ARK2C: variants seen among roughly 807,000 people sequenced by gnomAD.
ARK2C encodes the protein E3 ubiquitin-protein ligase ARK2C.
At chr18:46,455,771 G>T in the ARK2C span, among the ~76,000 whole-genome samples, 52 of 152,324 alleles carry the variant, frequency 3.4e-4, no homozygotes, top group Admixed American at 1.6e-3. Flanking sequence ...GGAGGTGGAA[G>T]TTGCAGTGAG....
chr18:46,453,403 C>G, the ARK2C span, among the ~76,000 whole-genome samples: 1 of 152,148 alleles, frequency 6.6e-6, no homozygotes, highest in African/African-American at 2.4e-5. Context: ...GCCTCACCTG[C>G]TGTCACTTCA....
chr18:46,440,764 T>A, the ARK2C span, among the ~76,000 whole-genome samples: 2 of 152,218 alleles, frequency 1.3e-5, no homozygotes, highest in African/African-American at 4.8e-5. Context: ...ATATGTCACA[T>A]AAGTCTCATT....
At chr18:46,412,350 C>T in the ARK2C span, among the ~76,000 whole-genome samples, 3 of 152,360 alleles carry the variant, frequency 2.0e-5, no homozygotes, top group South Asian at 2.1e-4. Context: ...TGCCTGGCAG[C>T]CCCAGAGGGT....
At chr18:46,394,510 C>T in the ARK2C span, among the ~76,000 whole-genome samples, 1 of 152,156 alleles carries the variant, frequency 6.6e-6, no homozygotes, top group East Asian at 1.9e-4. Flanking sequence ...CTCCACCTTC[C>T]CCCCAGCCAG....
At chr18:46,355,427 C>G in the ARK2C span, among the ~76,000 whole-genome samples, 2 of 152,132 alleles carry the variant, frequency 1.3e-5, no homozygotes, top group African/African-American at 2.4e-5. Flanking sequence ...GCCTCATTCT[C>G]TAGGCTCTGG....
the ARK2C span, among the ~76,000 whole-genome samples, chr18:46,368,132 C>A: frequency 3.9e-5 from 6 of 152,166 alleles, no homozygotes; most frequent in African/African-American, 1.4e-4. Flanking sequence ...TGCTCTAGAC[C>A]TTATCTGCTT....
the ARK2C span, among the ~76,000 whole-genome samples, chr18:46,363,323 A>G: frequency 6.6e-6 from 1 of 152,180 alleles, no homozygotes; most frequent in Non-Finnish European, 1.5e-5. Context: ...CAGGTCTTCT[A>G]CCCTGCAGAA....
the ARK2C span, among the ~76,000 whole-genome samples, chr18:46,418,219 T>G: frequency 1.3e-5 from 2 of 152,010 alleles, no homozygotes; most frequent in Non-Finnish European, 2.9e-5. Flanking sequence ...TAGCTTTGTG[T>G]GGTCGCACAT....
chr18:46,334,283 G>C, the ARK2C span: 1 of 1,574,094 alleles, frequency 6.4e-7, no homozygotes. This position sits in a 1 kb window ranked among gnomAD's most constrained non-coding sequence, Gnocchi z 4.4. Context: ...GGATGGTCCT[G>C]GTCCACGTCG....
At chr18:46,355,015 T>A in the ARK2C span, among the ~76,000 whole-genome samples, 1 of 152,194 alleles carries the variant, frequency 6.6e-6, no homozygotes, top group Non-Finnish European at 1.5e-5. Context: ...AGTGGTACAA[T>A]CTCAGCTCAC....
chr18:46,351,988 TG>T, the ARK2C span, among the ~76,000 whole-genome samples: 2 of 152,206 alleles, frequency 1.3e-5, no homozygotes, highest in African/African-American at 4.8e-5. Context: ...TGGGAGCCTC[TG>T]GAGTGAATAG....
chr18:46,410,060 G>A, the ARK2C span, among the ~76,000 whole-genome samples: 1 of 152,142 alleles, frequency 6.6e-6, no homozygotes, highest in Non-Finnish European at 1.5e-5. Context: ...ACTGCCAACT[G>A]TGGGCCCTGC....
chr18:46,428,412 C>T, the ARK2C span, among the ~76,000 whole-genome samples: 1 of 151,830 alleles, frequency 6.6e-6, no homozygotes, highest in Non-Finnish European at 1.5e-5. Context: ...CATCTCAAAA[C>T]AAAAAGAAAA....
chr18:46,408,434 G>A, the ARK2C span, among the ~76,000 whole-genome samples: 1 of 152,242 alleles, frequency 6.6e-6, no homozygotes. Flanking sequence ...TCTGGAGGCA[G>A]CAGAATGTCC....
chr18:46,359,883 C>T, the ARK2C span, among the ~76,000 whole-genome samples: 21 of 152,290 alleles, frequency 1.4e-4, no homozygotes, highest in East Asian at 3.9e-4. Flanking sequence ...AGAAATTGCA[C>T]GTGACATTTT....
chr18:46,431,300 G>T, the ARK2C span, among the ~76,000 whole-genome samples: 1 of 152,122 alleles, frequency 6.6e-6, no homozygotes, highest in Non-Finnish European at 1.5e-5. Flanking sequence ...TCACTCTTAG[G>T]CTCTCTGTTC....
chr18:46,345,607 C>T, the ARK2C span, among the ~76,000 whole-genome samples: 3 of 152,204 alleles, frequency 2.0e-5, no homozygotes, highest in African/African-American at 7.2e-5. Context: ...AGTCTTGACT[C>T]CTAGGGCAAA....
At chr18:46,448,826 A>C in the ARK2C span, among the ~76,000 whole-genome samples, 1 of 152,226 alleles carries the variant, frequency 6.6e-6, no homozygotes, top group Non-Finnish European at 1.5e-5. Context: ...CAAAAGCTTG[A>C]TTGAAAATCT....
the ARK2C span, among the ~76,000 whole-genome samples, chr18:46,354,623 A>G: frequency 1.1e-4 from 16 of 152,248 alleles, no homozygotes; most frequent in Non-Finnish European, 2.1e-4. Context: ...CCTGCCAGCC[A>G]CAGCATCAGC....
Sources: allele counts gnomAD v4.1 joint callset (sites outside exome capture counted in the v4.1 genomes callset), GRCh38; gene constraint gnomAD v4.1.1; non-coding constraint Gnocchi (gnomAD v3.1); transcripts MANE v1.5; gene names NCBI Gene and HGNC (gene_info 2026-07-23, HGNC 2026-07-21).